Variants in INSL6 observed in about 807,000 individuals in gnomAD.
INSL6 encodes the protein insulin like 6.
A neutral mutation model predicts 9.4 loss-of-function variants in INSL6; 16 were observed. The ratio of observed to expected loss-of-function variants is 1.70; its 90% CI spans 1.15 to 2.59. The LOEUF (loss-of-function observed/expected upper bound fraction) is 2.59, where lower values mean the gene tolerates loss of function less well. Among genes scored for constraint, INSL6 ranks in the 30% most tolerant of loss-of-function variants. The pLI, the probability that INSL6 is intolerant of heterozygous loss-of-function variation, is 0.00. For missense variants in INSL6, 391 were observed against 257.3 expected (o/e 1.52, Z -3.56); for synonymous variants, 154 against 96.9 (o/e 1.59, Z -3.46).
At chr9:5,043,968 A>C in the INSL6 span, among the ~76,000 whole-genome samples, 17 of 152,360 alleles carry the variant, frequency 1.1e-4, no homozygotes, top group South Asian at 3.5e-3. Flanking sequence ...ATCTCAATAA[A>C]GGTGTTACTA....
the INSL6 span, among the ~76,000 whole-genome samples, chr9:5,035,271 C>G: frequency 1.4e-4 from 22 of 152,276 alleles, no homozygotes; most frequent in African/African-American, 5.3e-4. Flanking sequence ...AGTCCAGGAC[C>G]AGATGGATTC....
At chr9:5,089,200 T>C in the INSL6 span, among the ~76,000 whole-genome samples, 2 of 152,206 alleles carry the variant, frequency 1.3e-5, no homozygotes, top group Admixed American at 6.5e-5. Flanking sequence ...CCTGTTGAGA[T>C]AGTATTTCCT....
the INSL6 span, among the ~76,000 whole-genome samples, chr9:5,036,448 G>T: frequency 3.3e-5 from 5 of 152,070 alleles, no homozygotes; most frequent in African/African-American, 9.7e-5. Flanking sequence ...AACAAAGCTG[G>T]AGGCATCACG....
At chr9:5,090,585 G>A in the INSL6 span, 1 of 1,554,340 alleles carries the variant, frequency 6.4e-7, no homozygotes, top group African/African-American at 1.4e-5. Context: ...CTAATATCCT[G>A]ATTATTTGCT....
At chr9:5,178,234 G>C (rs1334801890) in intron 1 of INSL6, among the ~76,000 whole-genome samples, 1 of 152,102 alleles carries the variant, frequency 6.6e-6, no homozygotes, top group Non-Finnish European at 1.5e-5. Context: ...TCCTTGTAGG[G>C]GCTTCAGCCA....
the INSL6 span, among the ~76,000 whole-genome samples, chr9:5,053,616 A>G: frequency 6.6e-6 from 1 of 152,038 alleles, no homozygotes; most frequent in African/African-American, 2.4e-5. Flanking sequence ...GCCAAACTGG[A>G]ATGAGTTGAG....
At chr9:5,123,411 GTCTT>G (rs1158075719), downstream of INSL6, among the ~76,000 whole-genome samples, 1 of 151,876 alleles carries the variant, frequency 6.6e-6, no homozygotes. Flanking sequence ...CGTGGTATTT[GTCTT>G]TCTATGGCTG....
chr9:5,082,406 G>T, the INSL6 span, among the ~76,000 whole-genome samples: 1 of 152,352 alleles, frequency 6.6e-6, no homozygotes, highest in East Asian at 1.9e-4. Flanking sequence ...GTGGAGTAAA[G>T]AATAATAAAG....
chr9:5,092,749 A>T, the INSL6 span, among the ~76,000 whole-genome samples: 10 of 152,210 alleles, frequency 6.6e-5, no homozygotes. Flanking sequence ...CCTACGTGGC[A>T]AAATAGTGGG....
the INSL6 span, among the ~76,000 whole-genome samples, chr9:5,047,960 A>G: frequency 1.3e-5 from 2 of 152,154 alleles, no homozygotes; most frequent in East Asian, 3.8e-4. Context: ...TATAATATTT[A>G]AGGAATAGTA....
chr9:5,069,766 T>G, the INSL6 span, among the ~76,000 whole-genome samples: 1 of 152,134 alleles, frequency 6.6e-6, no homozygotes, highest in Non-Finnish European at 1.5e-5. Context: ...CAAAGTTCAA[T>G]GAGTTGACCC....
downstream of INSL6, among the ~76,000 whole-genome samples, chr9:5,122,305 G>C (rs1823678932): frequency 1.3e-5 from 2 of 152,144 alleles, no homozygotes; most frequent in African/African-American, 4.8e-5. Flanking sequence ...TAATGCTTGA[G>C]TGAACAATGA....
chr9:5,046,757 G>A, the INSL6 span, among the ~76,000 whole-genome samples: 6 of 152,226 alleles, frequency 3.9e-5, no homozygotes, highest in African/African-American at 1.4e-4. Context: ...TGAAAAGAGA[G>A]GGGAATGGAG....
chr9:4,992,844 T>G, the INSL6 span, among the ~76,000 whole-genome samples: 1 of 152,224 alleles, frequency 6.6e-6, no homozygotes, highest in Non-Finnish European at 1.5e-5. Context: ...GCAACCTCAC[T>G]GGGCACATGT....
the INSL6 span, among the ~76,000 whole-genome samples, chr9:5,046,578 A>G: frequency 1.3e-5 from 2 of 152,168 alleles, no homozygotes; most frequent in African/African-American, 2.4e-5. Flanking sequence ...ATTTTTGTCT[A>G]TCGTGAAGGT....
intron 1 of INSL6, among the ~76,000 whole-genome samples, chr9:5,171,438 C>G (rs907635126): frequency 6.6e-6 from 1 of 152,172 alleles, no homozygotes; most frequent in South Asian, 2.1e-4. Context: ...TAAGGATGCC[C>G]TCTCATCACT....
chr9:5,047,384 A>T, the INSL6 span, among the ~76,000 whole-genome samples: 1 of 152,236 alleles, frequency 6.6e-6, no homozygotes, highest in Non-Finnish European at 1.5e-5. Flanking sequence ...AATCAAAAGT[A>T]AGATGGCCCT....
At chr9:5,075,899 G>C in the INSL6 span, among the ~76,000 whole-genome samples, 1 of 152,176 alleles carries the variant, frequency 6.6e-6, no homozygotes, top group African/African-American at 2.4e-5. Flanking sequence ...GCCAGGAATA[G>C]CATTCATGGT....
the INSL6 span, among the ~76,000 whole-genome samples, chr9:5,018,617 G>A: frequency 6.6e-6 from 1 of 152,196 alleles, no homozygotes; most frequent in Non-Finnish European, 1.5e-5. Flanking sequence ...AGGATTACAG[G>A]CTTGAGCCAC....
Sources: gnomAD v4.1 joint callset for allele counts (sites outside exome capture counted in the v4.1 genomes callset) on GRCh38, gnomAD v4.1.1 for gene constraint, MANE v1.5 for transcripts, NCBI Gene and HGNC (gene_info 2026-07-23, HGNC 2026-07-21) for gene names.